The following XPO7 variants were observed in gnomAD, a reference collection of about 807,000 sequenced individuals.
XPO7 encodes the protein exportin 7, also known as exportin-7.
In XPO7, 21 loss-of-function variants were observed where a neutral mutation model predicts 144.3. The ratio of observed to expected loss-of-function variants is 0.15; its 90% CI spans 0.10 to 0.21. The LOEUF is 0.21. Ranked by LOEUF, XPO7 falls within the 10% of genes least tolerant of loss-of-function variation. The pLI, the probability that XPO7 is intolerant of heterozygous loss-of-function variation, is 1.00. For missense variants in XPO7, 808 were observed against 1,325.8 expected, an observed-to-expected ratio of 0.61 and a Z score of 6.06; for synonymous variants, 580 against 499.6, an observed-to-expected ratio of 1.16 and a Z score of -2.15.
Position 21,970,206 on chromosome 8 carries a change from C to T in XPO7, c.322C>T (p.Leu108Phe). 1 of 1,613,754 alleles carries T rather than the reference C, an allele frequency of 6.2e-7. No homozygotes were observed. Among genetic ancestry groups the T allele is most frequent in the Non-Finnish European group, 8.5e-7 (1 of 1,179,824 alleles). ...PKLATFVTQA[L>F]IQLYARITKL... The stretch of plus-strand genomic sequence containing the variant: ...GTTGGCTACTTTCGTGACACAAGCA[C>T]TTATTCAGTTATATGCCAGAATCAC... Residue 108 changes from leucine (L) to phenylalanine (F), a missense_variant, in exon 4 of 28, where the codon CTT becomes TTT. By Grantham distance (22) the Leu-to-Phe change is conservative (BLOSUM62 0). This residue lies in a region of XPO7 where 223 missense variants were observed against 368.8 expected (regional missense o/e 0.60). Transcript: ENST00000252512.
chr8:21,926,980 AG>A (rs1810478304), intron 1 of XPO7, among the ~76,000 whole-genome samples: 1 of 152,208 alleles, frequency 6.6e-6, no homozygotes, highest in African/African-American at 2.4e-5. Context: ...TGTTTTCCTT[AG>A]TCTTAATATT....
chr8:21,937,364 G>A (rs182221822), intron 1 of XPO7, among the ~76,000 whole-genome samples: 1 of 152,092 alleles, frequency 6.6e-6, no homozygotes, highest in Non-Finnish European at 1.5e-5. Context: ...AATGTCTTAC[G>A]GTAATAGTTA....
intron 1 of XPO7, among the ~76,000 whole-genome samples, chr8:21,940,721 G>A (rs930665090): frequency 6.6e-6 from 1 of 152,042 alleles, no homozygotes; most frequent in Non-Finnish European, 1.5e-5. Context: ...CACCTGCCTT[G>A]GCCTCCCAAA....
At chr8:21,974,850 A>G in intron 6 of XPO7, 76 bp downstream of exon 6, 1 of 1,174,074 alleles carries the variant, frequency 8.5e-7, no homozygotes, top group Non-Finnish European at 1.2e-6. Flanking sequence ...GTTAAATGTC[A>G]GCTTTTAACT....
intron 1 of XPO7, chr8:21,921,274 C>T (rs755419754): frequency 3.3e-5 from 5 of 152,136 alleles, no homozygotes; most frequent in Non-Finnish European, 7.4e-5. Flanking sequence ...TTACTTCTGT[C>T]ATTTAAAGGA....
At chr8:21,984,605 A>T (rs1215461638) in intron 11 of XPO7, 41 bp from the exon 12 acceptor site, 3 of 1,537,536 alleles carry the variant, frequency 2.0e-6, no homozygotes, top group Non-Finnish European at 2.6e-6. Context: ...ATCAGTAGTC[A>T]TATTTTAAGA....
At chr8:21,972,105 A>G (rs1812081548) in intron 5 of XPO7, 164 bp downstream of exon 5, 1 of 566,862 alleles carries the variant, frequency 1.8e-6, no homozygotes, top group South Asian at 2.6e-5. Context: ...TTCCTCTGTA[A>G]TTGCAACTCA....
intron 1 of XPO7, among the ~76,000 whole-genome samples, chr8:21,931,224 G>A (rs888842637): frequency 2.0e-4 from 30 of 150,252 alleles, no homozygotes; most frequent in South Asian, 8.5e-4. Context: ...GTGCAATGGC[G>A]CAGTCTTGGC....
At chr8:21,989,886 G>T (rs951605480) in intron 16 of XPO7, among the ~76,000 whole-genome samples, 1 of 95,698 alleles carries the variant, frequency 1.0e-5, no homozygotes, top group Non-Finnish European at 2.0e-5. Context: ...GTCTTGCTCT[G>T]TTGCCCAGGC....
At chr8:21,946,725 C>T (rs1240445308) in intron 1 of XPO7, among the ~76,000 whole-genome samples, 1 of 148,174 alleles carries the variant, frequency 6.7e-6, no homozygotes, top group African/African-American at 2.5e-5. Flanking sequence ...TCACTGCAGC[C>T]TCTGCCTCCT....
intron 1 of XPO7, among the ~76,000 whole-genome samples, chr8:21,934,859 T>C (rs1371867718): frequency 6.6e-6 from 1 of 152,224 alleles, no homozygotes; most frequent in East Asian, 1.9e-4. Context: ...TGAAGCCTTG[T>C]GTAAACATCT....
intron 1 of XPO7, among the ~76,000 whole-genome samples, chr8:21,952,147 T>C (rs1376063286): frequency 6.6e-6 from 1 of 152,232 alleles, no homozygotes; most frequent in Non-Finnish European, 1.5e-5. Flanking sequence ...CTATAGTCAT[T>C]TCCTGCAACA....
chr8:21,922,303 A>G (rs1016279540), intron 1 of XPO7, among the ~76,000 whole-genome samples: 12 of 150,556 alleles, frequency 8.0e-5, no homozygotes, highest in African/African-American at 2.9e-4. Context: ...TTTAAGTGCT[A>G]TAAAACTTTA....
Position 22,005,834 on chromosome 8 carries a change from A to G in XPO7, c.*746A>G, listed in dbSNP as rs1813312432. On this transcript the variant is annotated 3_prime_UTR_variant, in exon 28 of 28. Transcript: ENST00000252512. ...GCAGTGATAAATAACTCCAGCTAAAAGTGTTTGGTGTTCTTATCTCCACCC... is the reference window on the plus strand; with the variant it reads ...GCAGTGATAAATAACTCCAGCTAAAGGTGTTTGGTGTTCTTATCTCCACCC... The G allele has an allele frequency of 6.6e-6, 1 of 152,142 alleles. No individual in the cohort carries two copies. Among genetic ancestry groups the G allele is most frequent in the South Asian group, 2.1e-4 (1 of 4,828 alleles). 9.4% of individuals were successfully genotyped at this position (152,142 alleles called of 1,614,324 possible). A position where few individuals can be genotyped will look rare whatever the true frequency, so the allele number is the denominator to read the frequency against.
At chr8:22,004,196 A>G (rs998323427) in intron 27 of XPO7, among the ~76,000 whole-genome samples, 166 bp downstream of exon 27, 16 of 152,228 alleles carry the variant, frequency 1.1e-4, no homozygotes, top group Non-Finnish European at 2.1e-4. Context: ...ATTCATTTTA[A>G]TAATATATTT....
chr8:21,995,656 G>A (rs1270854533), intron 21 of XPO7, 57 bp downstream of exon 21: 12 of 1,358,530 alleles, frequency 8.8e-6, no homozygotes, highest in South Asian at 1.3e-5. Flanking sequence ...GAGAGAATTT[G>A]CTGTATCTAG....
At chr8:21,996,648 T>C (rs1812958745) in intron 21 of XPO7, among the ~76,000 whole-genome samples, 1 of 152,160 alleles carries the variant, frequency 6.6e-6, no homozygotes, top group South Asian at 2.1e-4. Flanking sequence ...AAATTTACTT[T>C]TAAAAAGTGA....
chr8:21,983,607 T>G (rs1812474863), intron 11 of XPO7, among the ~76,000 whole-genome samples: 1 of 152,182 alleles, frequency 6.6e-6, no homozygotes, highest in African/African-American at 2.4e-5. Context: ...CCTCCATAGC[T>G]TCCACTCCTG....
chr8:21,933,459 A>G (rs537659595), intron 1 of XPO7, among the ~76,000 whole-genome samples: 1 of 152,280 alleles, frequency 6.6e-6, no homozygotes, highest in South Asian at 2.1e-4. Context: ...AGATAATATA[A>G]TACAGTTTGA....
Sources: gnomAD v4.1 joint callset for allele counts (sites outside exome capture counted in the v4.1 genomes callset) on GRCh38, gnomAD v4.1.1 for gene constraint, gnomAD v4.1.1 regional missense constraint, MANE v1.5 for transcripts, NCBI Gene and HGNC (gene_info 2026-07-23, HGNC 2026-07-21) for gene names.